Variants in NCAPH observed in about 807,000 individuals in gnomAD.
The protein encoded by NCAPH is non-SMC condensin I complex subunit H, also known as condensin complex subunit 2.
In NCAPH, 38 loss-of-function variants were observed where a neutral mutation model predicts 85.5. That is an observed-to-expected ratio of 0.44 (90% CI 0.34 to 0.58). The LOEUF is 0.58. Among genes scored for constraint, NCAPH ranks in the 20% least tolerant of loss-of-function variants. The probability of loss-of-function intolerance (pLI) is 0.01; values close to 1 mark genes in which losing one functional copy is unlikely to be tolerated. For missense variants in NCAPH, 789 were observed against 916.6 expected, an observed-to-expected ratio of 0.86 and a Z score of 1.80; for synonymous variants, 301 against 335.1, an observed-to-expected ratio of 0.90 and a Z score of 1.11.
chr2:96,354,758 G>T (rs2064500303), intron 9 of NCAPH, among the ~76,000 whole-genome samples: 1 of 152,200 alleles, frequency 6.6e-6, no homozygotes, highest in South Asian at 2.1e-4. Context: ...ATCACACCTG[G>T]CTTTGAATGT....
intron 6 of NCAPH, among the ~76,000 whole-genome samples, chr2:96,348,834 G>C (rs2064397441): frequency 1.3e-5 from 2 of 151,958 alleles, no homozygotes; most frequent in Non-Finnish European, 1.5e-5. Flanking sequence ...ATTTTTAGTA[G>C]AGATGGGGTT....
At position 96,342,829 on chromosome 2, in the gene NCAPH, C is replaced by A; in HGVS notation, c.437C>A (p.Thr146Asn). The A allele has an allele frequency of 6.2e-7, 1 of 1,612,078 alleles. No homozygotes were observed. ...TCAGAGATTCTTAAACAGAAAGACA[C>A]CGAACCAACCAACTTTAAAGTAAGA... Reference protein sequence around the residue: ...FMSEILKQKDTEPTNFKVAAG... With the variant: ...FMSEILKQKDNEPTNFKVAAG... Residue 146 changes from threonine (T) to asparagine (N), a missense_variant, in exon 4 of 18, where the codon ACC becomes AAC. Transcript: ENST00000240423.
Position 96,360,643 on chromosome 2 carries a change from C to A in NCAPH, c.1520C>A (p.Thr507Asn). 6.2e-7 allele frequency: 1 copy of A among 1,614,148 alleles called. No homozygotes were observed. The highest frequency in any genetic ancestry group is 2.2e-5 in the East Asian group (1 of 44,880). The change falls in exon 12 of 18, where the codon ACC (threonine) becomes AAC (asparagine). Residue 507 changes from threonine to asparagine, a missense_variant. By Grantham distance (65) the Thr-to-Asn change is moderately conservative. Transcript: ENST00000240423. Reference protein sequence around the residue: ...TLENQNWRATTLPTDFNYNVD... With the variant: ...TLENQNWRATNLPTDFNYNVD... ...GAGAACCAGAATTGGAGAGCTACCACCCTTCCTACAGATTTCAACTACAAT... is the reference window on the plus strand; with the variant it reads ...GAGAACCAGAATTGGAGAGCTACCAACCTTCCTACAGATTTCAACTACAAT...
In NCAPH at chr2:96,343,255, G is replaced by C. The variant is rs755766432; in HGVS notation, c.546G>C (p.Gly182=). The C allele has an allele frequency of 1.2e-6, 2 of 1,613,744 alleles. No homozygotes were observed. The highest frequency in any genetic ancestry group is 2.2e-5 in the South Asian group (2 of 91,040). ...CCGATGTATACAGAGTCCTTGGGGG[G>C]CTGGGCAAAGATGCACCGTCTTTGG... is the stretch of plus-strand genomic sequence containing the variant. ...VHADVYRVLG[G]LGKDAPSLEE... is the part of the protein sequence containing the mutation. Residue 182 remains glycine, a synonymous_variant, in exon 5 of 18, where the codon GGG becomes GGC. Transcript: ENST00000240423.
chr2:96,373,917 A>G lies in NCAPH; in HGVS notation c.*566A>G, dbSNP rs2064804745. 6.6e-6 allele frequency: 1 copy of G among 152,476 alleles called. No homozygotes were observed. Among genetic ancestry groups the G allele is most frequent in the South Asian group, 2.1e-4 (1 of 4,834 alleles). 9.4% of individuals were successfully genotyped at this position (152,476 alleles called of 1,614,324 possible). On this transcript the variant is annotated 3_prime_UTR_variant, in exon 18 of 18. Transcript: ENST00000240423. ...GGGGATGCAGTCCTGGTTGTTATCCAGGATACACACCTGTCAGTATAAGGC... is the reference window on the plus strand; with the variant it reads ...GGGGATGCAGTCCTGGTTGTTATCCGGGATACACACCTGTCAGTATAAGGC...
At chr2:96,337,132 C>T (rs184230525) in intron 1 of NCAPH, among the ~76,000 whole-genome samples, 9 of 152,262 alleles carry the variant, frequency 5.9e-5, no homozygotes, top group African/African-American at 1.7e-4. Flanking sequence ...CAGTAACCAT[C>T]GGTTGAATGA....
chr2:96,362,787 A>G (rs1305191272), intron 12 of NCAPH, among the ~76,000 whole-genome samples: 2 of 152,228 alleles, frequency 1.3e-5, no homozygotes, highest in Non-Finnish European at 2.9e-5. Context: ...TTTCCTATGG[A>G]TGAGCAAAGA....
intron 15 of NCAPH, 40 bp downstream of exon 15, chr2:96,367,413 G>C: frequency 6.8e-7 from 1 of 1,468,534 alleles, no homozygotes; most frequent in Non-Finnish European, 9.5e-7. Context: ...CCCAGCATGC[G>C]GGAGGGGAGT....
chr2:96,366,170 T>G (rs1028036990), intron 14 of NCAPH, 112 bp downstream of exon 14: 1 of 1,224,336 alleles, frequency 8.2e-7, no homozygotes, highest in African/African-American at 1.5e-5. Context: ...AGTTTTAACC[T>G]GTTGCTCTCC....
chr2:96,361,828 A>ATTT (rs67427447), intron 12 of NCAPH, among the ~76,000 whole-genome samples: 1 of 108,022 alleles, frequency 9.3e-6, no homozygotes, highest in African/African-American at 4.2e-5. Flanking sequence ...ATATATATAT[A>ATTT]TTTTTTTTTT....
At position 96,375,642 on chromosome 2, in the gene NCAPH, T is replaced by C. The variant is rs1419353082; in HGVS notation, c.*2291T>C. On this transcript the variant is annotated 3_prime_UTR_variant, in exon 18 of 18. Transcript: ENST00000240423. ...TTAAGCAGTCTAAGTCATTTTGTTA[T>C]AGCAGACAAATTGACTAAGACAGTG... 6.6e-6 allele frequency among the ~76,000 whole-genome samples: 1 copy of C among 152,250 alleles called. No homozygotes were observed. Among genetic ancestry groups the C allele is most frequent in the African/African-American group, 2.4e-5 (1 of 41,464 alleles).
intron 5 of NCAPH, 37 bp downstream of exon 5, chr2:96,343,341 T>A: frequency 6.3e-7 from 1 of 1,589,358 alleles, no homozygotes; most frequent in African/African-American, 1.3e-5. Context: ...GTGGCTCTTT[T>A]TAGGGCATAC....
intron 1 of NCAPH, among the ~76,000 whole-genome samples, chr2:96,337,714 G>A (rs937664970): frequency 1.3e-5 from 2 of 151,736 alleles, no homozygotes; most frequent in South Asian, 2.1e-4. Context: ...CACCGCGCCC[G>A]GCCTATTATT....
intron 1 of NCAPH, among the ~76,000 whole-genome samples, chr2:96,340,132 G>A (rs775002366): frequency 1.3e-4 from 20 of 151,044 alleles, no homozygotes; most frequent in African/African-American, 4.1e-4. Context: ...CATGTTGACC[G>A]GGCTGGTCTC....
At chr2:96,368,462 C>T (rs2064728419) in intron 15 of NCAPH, among the ~76,000 whole-genome samples, 1 of 152,116 alleles carries the variant, frequency 6.6e-6, no homozygotes, top group African/African-American at 2.4e-5. Context: ...CAAGACAAGC[C>T]TGGCCAACAT....
At chr2:96,341,015 G>A (rs1205357744) in intron 1 of NCAPH, among the ~76,000 whole-genome samples, 6 of 152,150 alleles carry the variant, frequency 3.9e-5, no homozygotes, top group African/African-American at 1.4e-4. Context: ...TTCACATTGT[G>A]TCACATGAAG....
intron 5 of NCAPH, 28 bp from the exon 6 acceptor site, chr2:96,344,077 C>T (rs767499681): frequency 1.3e-6 from 2 of 1,596,656 alleles, no homozygotes; most frequent in Non-Finnish European, 1.7e-6. Context: ...GCAGCCCTTG[C>T]AGTACGCAAT....
rs757087984 is a variant in NCAPH at position 96,351,947 on chromosome 2, T to C, written c.837T>C (p.Asp279=). ...GAAGTGAACTGCTGTTTCCCTCTGA[T>C]GTCCAGACTCTCTCCACGGGAGAAC... ...DYRSELLFPS[D]VQTLSTGEPL... The change falls in exon 7 of 18, where the codon GAT becomes GAC. Residue 279 remains aspartate, a synonymous_variant. Coordinates refer to ENST00000240423, the MANE Select transcript of NCAPH (RefSeq NM_015341.5). 3 of 1,614,228 alleles carry C rather than the reference T, an allele frequency of 1.9e-6. No individual in the cohort carries two copies. In the Admixed American group the frequency reaches 5.0e-5, roughly 27 times the overall value.
chr2:96,359,683 T>C (rs1216369085), intron 10 of NCAPH, among the ~76,000 whole-genome samples: 1 of 152,224 alleles, frequency 6.6e-6, no homozygotes, highest in Non-Finnish European at 1.5e-5. Context: ...TGAAGTGCAG[T>C]GGTGAATCAT....
Sources: gnomAD v4.1 joint callset for allele counts (sites outside exome capture counted in the v4.1 genomes callset) on GRCh38, gnomAD v4.1.1 for gene constraint, MANE v1.5 for transcripts, NCBI Gene and HGNC (gene_info 2026-07-23, HGNC 2026-07-21) for gene names.